Variants in TNIK observed in about 807,000 individuals in gnomAD.
The protein encoded by TNIK is TRAF2 and NCK interacting kinase.
In TNIK, 49 loss-of-function variants were observed where a neutral mutation model predicts 191.3. That is an observed-to-expected ratio of 0.26 (90% confidence interval 0.20 to 0.32). TNIK has a LOEUF of 0.32. Among genes scored for constraint, TNIK ranks in the 10% least tolerant of loss-of-function variants. The pLI, the probability that TNIK is intolerant of heterozygous loss-of-function variation, is 1.00. For synonymous variants in TNIK, 594 were observed against 600.9 expected (o/e 0.99, Z 0.17); for missense variants, 1,155 against 1,702.3 (o/e 0.68, Z 5.66).
intron 1 of TNIK, among the ~76,000 whole-genome samples, chr3:171,459,080 T>C (rs1204855601): frequency 6.6e-6 from 1 of 151,452 alleles, no homozygotes; most frequent in African/African-American, 2.4e-5. Flanking sequence ...AACAGCAAAA[T>C]GGATTCTATA....
intron 4 of TNIK, among the ~76,000 whole-genome samples, chr3:171,199,889 AAAAG>A (rs1200636142): frequency 6.6e-6 from 1 of 152,248 alleles, no homozygotes; most frequent in African/African-American, 2.4e-5. Flanking sequence ...TAAAAATGCG[AAAAG>A]AAAGAGTTTC....
chr3:171,369,539 G>T (rs1716199255), intron 2 of TNIK, 81 bp downstream of exon 2: 2 of 1,071,684 alleles, frequency 1.9e-6, no homozygotes, highest in Admixed American at 2.6e-5. Context: ...AGCCATTTAT[G>T]AGCCAGTATA....
rs751809040 is a variant in TNIK at position 171,101,653 on chromosome 3, T to C, written c.2407-20A>G. 4.3e-6 allele frequency: 7 copies of C among 1,611,048 alleles called. No homozygotes were observed. In the African/African-American group the frequency reaches 6.7e-5, roughly 15 times the overall value. ...CAGATCCTATGAAAGAAAAATTTGTTCAGCATATGAGTGGTAGATACGACC... is the reference window on the plus strand; with the variant it reads ...CAGATCCTATGAAAGAAAAATTTGTCCAGCATATGAGTGGTAGATACGACC... On this transcript the variant is annotated intron_variant, in intron 21 of 32. Coordinates refer to ENST00000436636, the MANE Select transcript of TNIK (RefSeq NM_015028.4).
chr3:171,333,652 G>A (rs1756651066), intron 2 of TNIK, among the ~76,000 whole-genome samples: 1 of 150,730 alleles, frequency 6.6e-6, no homozygotes, highest in East Asian at 1.9e-4. Flanking sequence ...GGAAAATGAG[G>A]AGTGGCTGTC....
chr3:171,084,468 C>CT (rs201206159), intron 25 of TNIK, 143 bp from the exon 26 acceptor site: 1,488 of 979,154 alleles, frequency 1.5e-3, no homozygotes, highest in Admixed American at 3.7e-3. Flanking sequence ...TTATTTTACA[C>CT]TTTTTTTTTG....
intron 18 of TNIK, among the ~76,000 whole-genome samples, chr3:171,117,507 T>TGAGACATATACATATATAC (rs932081827): frequency 2.6e-5 from 4 of 152,192 alleles, no homozygotes; most frequent in African/African-American, 9.7e-5. Flanking sequence ...TACATATATA[T>TGAGACATATACATATATAC]GAGACATATG....
intron 1 of TNIK, among the ~76,000 whole-genome samples, chr3:171,412,586 A>C (rs1384150014): frequency 6.6e-6 from 1 of 152,194 alleles, no homozygotes; most frequent in Non-Finnish European, 1.5e-5. Context: ...AGACACAAAT[A>C]ACTTTAATAA....
chr3:171,179,850 C>G (rs1164944639), intron 7 of TNIK, among the ~76,000 whole-genome samples: 1 of 152,154 alleles, frequency 6.6e-6, no homozygotes, highest in Admixed American at 6.5e-5. Context: ...ACAGGAAACA[C>G]AGCAATAATA....
At chr3:171,241,090 G>A (rs1744924575) in intron 2 of TNIK, among the ~76,000 whole-genome samples, 1 of 151,660 alleles carries the variant, frequency 6.6e-6, no homozygotes, top group African/African-American at 2.4e-5. Context: ...GAGTGCAACG[G>A]CACGATCTTG....
intron 23 of TNIK, among the ~76,000 whole-genome samples, chr3:171,089,578 G>A (rs572517332): frequency 6.6e-6 from 1 of 152,286 alleles, no homozygotes; most frequent in South Asian, 2.1e-4. Context: ...CAGATAGTGA[G>A]AAGCTTAAAG....
intron 2 of TNIK, among the ~76,000 whole-genome samples, chr3:171,364,937 C>G (rs569467119): frequency 2.0e-5 from 3 of 151,932 alleles, no homozygotes; most frequent in Non-Finnish European, 2.9e-5. Flanking sequence ...ATAATATATT[C>G]AAAAGGTTTT....
chr3:171,446,745 T>A (rs933244668), intron 1 of TNIK, among the ~76,000 whole-genome samples: 1 of 152,230 alleles, frequency 6.6e-6, no homozygotes, highest in African/African-American at 2.4e-5. Flanking sequence ...GAATAGTCTC[T>A]ATTCTATCAT....
rs78227058 is a variant in TNIK, at chr3:171,323,356, C to T, written c.123+46264G>A. 8.7e-3 allele frequency among the ~76,000 whole-genome samples: 1,332 copies of T among 152,244 alleles called. 24 individuals are homozygous for T. Among genetic ancestry groups the T allele is most frequent in the African/African-American group, 0.029 (1,215 of 41,520 alleles). On this transcript the variant is annotated intron_variant, in intron 2 of 32. Coordinates refer to ENST00000436636, the MANE Select transcript of TNIK (RefSeq NM_015028.4). ...CATAACCCAACACATAGGTAACTTA[C>T]GTATGCCCCTCCTAGACCTTCAGAA...
At chr3:171,111,802 G>C (rs2108506944) in intron 18 of TNIK, among the ~76,000 whole-genome samples, 1 of 152,296 alleles carries the variant, frequency 6.6e-6, no homozygotes, top group East Asian at 1.9e-4. Context: ...AAGAAAATGT[G>C]ATATATCTCT....
At chr3:171,459,745 G>A (rs1256554323) in intron 1 of TNIK, among the ~76,000 whole-genome samples, 1 of 150,962 alleles carries the variant, frequency 6.6e-6, no homozygotes, top group African/African-American at 2.4e-5. Flanking sequence ...ACCGGTATAA[G>A]ATGAAACTGG....
At chr3:171,413,691 A>G (rs1450833366) in intron 1 of TNIK, among the ~76,000 whole-genome samples, 1 of 152,186 alleles carries the variant, frequency 6.6e-6, no homozygotes, top group Non-Finnish European at 1.5e-5. Flanking sequence ...ATTTACTACT[A>G]TGTAACTTTC....
intron 2 of TNIK, among the ~76,000 whole-genome samples, chr3:171,353,996 T>C (rs1713631000): frequency 6.6e-6 from 1 of 152,128 alleles, no homozygotes; most frequent in African/African-American, 2.4e-5. Flanking sequence ...TAAAGTGCCA[T>C]TATTCTAGCA....
chr3:171,217,661 C>G (rs1165437797), intron 3 of TNIK, among the ~76,000 whole-genome samples: 1 of 152,122 alleles, frequency 6.6e-6, no homozygotes, highest in Non-Finnish European at 1.5e-5. Flanking sequence ...ATAACAGATT[C>G]AAGTTCTGCT....
At chr3:171,092,824 CTA>C (rs1452063688) in intron 23 of TNIK, among the ~76,000 whole-genome samples, 1 of 152,194 alleles carries the variant, frequency 6.6e-6, no homozygotes, top group Non-Finnish European at 1.5e-5. Context: ...GCAAAGTCTG[CTA>C]TTAGAGTTTC....
Sources: allele counts gnomAD v4.1 joint callset (sites outside exome capture counted in the v4.1 genomes callset), GRCh38; gene constraint gnomAD v4.1.1; transcripts MANE v1.5; gene names NCBI Gene and HGNC (gene_info 2026-07-23, HGNC 2026-07-21).